Variants in CFAP99 observed in about 807,000 individuals in gnomAD.
The protein encoded by CFAP99 is cilia and flagella associated protein 99, also known as cilia- and flagella-associated protein 99.
A neutral mutation model predicts 82.7 loss-of-function variants in CFAP99; 84 were observed. The observed-to-expected ratio is 1.02, with a 90% CI of 0.85 to 1.22. CFAP99 has a LOEUF of 1.22. Among genes scored for constraint, CFAP99 ranks in the 50% most tolerant of loss-of-function variants. The pLI, the probability that CFAP99 is intolerant of heterozygous loss-of-function variation, is 0.00. For missense variants in CFAP99, 1,059 were observed against 983.5 expected (o/e 1.08, Z -1.03); for synonymous variants, 456 against 429.5 (o/e 1.06, Z -0.76).
chr4:2,449,934 G>A, exon 8 of CFAP99: 42 of 1,536,186 alleles, frequency 2.7e-5, no homozygotes, highest in Non-Finnish European at 3.6e-5. Context: ...ACTGTGGCAG[G>A]AGCTGCTGCT....
chr4:2,452,284 G>A (rs867810287), exon 11 of CFAP99: 16 of 1,535,692 alleles, frequency 1.0e-5, no homozygotes, highest in Admixed American at 5.9e-5. Flanking sequence ...TGAGGAGGCC[G>A]TCCTAGCCCG....
At chr4:2,454,582 T>G (rs1734378339) in intron 11 of CFAP99, among the ~76,000 whole-genome samples, 3 of 46,144 alleles carry the variant, frequency 6.5e-5, no homozygotes, top group Non-Finnish European at 1.0e-4. Context: ...GTTTTTTTTC[T>G]TTTTTTTTTT....
intron 3 of CFAP99, 113 bp downstream of exon 3, chr4:2,437,131 G>A: frequency 7.7e-7 from 1 of 1,297,512 alleles, no homozygotes; most frequent in Non-Finnish European, 1.1e-6. Context: ...CCTCCTTCCT[G>A]CCCTTGCACT....
intron 6 of CFAP99, among the ~76,000 whole-genome samples, chr4:2,449,454 C>T (rs1734248985): frequency 6.6e-6 from 1 of 151,676 alleles, no homozygotes; most frequent in Admixed American, 6.6e-5. Context: ...AGCTCCAGAC[C>T]CCACGCCAAT....
chr4:2,443,056 G>C (rs558959616), intron 4 of CFAP99, 74 bp from the exon 5 acceptor site: 2 of 811,236 alleles, frequency 2.5e-6, no homozygotes, highest in East Asian at 5.4e-5. Context: ...AGCTCACTGG[G>C]GGTGCTGGGG....
chr4:2,421,791 C>G (rs1269971784), intron 1 of CFAP99, among the ~76,000 whole-genome samples: 1 of 151,552 alleles, frequency 6.6e-6, no homozygotes, highest in Non-Finnish European at 1.5e-5. Context: ...ACTATTAAAG[C>G]TGAACTTTGG....
intron 6 of CFAP99, among the ~76,000 whole-genome samples, chr4:2,449,324 C>T (rs1734246074): frequency 6.6e-6 from 1 of 152,102 alleles, no homozygotes; most frequent in Non-Finnish European, 1.5e-5. Flanking sequence ...CTCCCAGTGT[C>T]AAGGGAGCTG....
At chr4:2,457,516 C>T (rs1165272380) in intron 11 of CFAP99, among the ~76,000 whole-genome samples, 1 of 152,200 alleles carries the variant, frequency 6.6e-6, no homozygotes, top group East Asian at 1.9e-4. Flanking sequence ...CATGTGGCTG[C>T]CCCTGGCCCC....
intron 1 of CFAP99, among the ~76,000 whole-genome samples, chr4:2,425,145 C>T (rs1228974799): frequency 1.3e-5 from 2 of 152,300 alleles, no homozygotes; most frequent in African/African-American, 4.8e-5. Flanking sequence ...CCAGCCATTG[C>T]TTGTTCCTTG....
At chr4:2,440,816 G>A (rs1287444623) in intron 4 of CFAP99, among the ~76,000 whole-genome samples, 2 of 151,612 alleles carry the variant, frequency 1.3e-5, no homozygotes, top group Non-Finnish European at 2.9e-5. Context: ...GGATGGTCTC[G>A]ATCTCCTGAC....
intron 11 of CFAP99, among the ~76,000 whole-genome samples, chr4:2,457,980 G>A (rs1192721408): frequency 1.3e-5 from 2 of 152,212 alleles, no homozygotes; most frequent in African/African-American, 2.4e-5. Flanking sequence ...TTAGCATCCT[G>A]TGTGTCTTAC....
In CFAP99 at chr4:2,429,377, T is replaced by C. The variant is rs576237207; in HGVS notation, c.111+2791T>C. 5 of 152,360 alleles carry C rather than the reference T, an allele frequency of 3.3e-5. No individual in the cohort carries two copies. In the East Asian group the frequency reaches 9.6e-4, roughly 29 times the overall value. 9.4% of individuals were successfully genotyped at this position (152,360 alleles called of 1,614,324 possible). On this transcript the variant is annotated intron_variant, in intron 2 of 14. Coordinates refer to ENST00000635017, the Ensembl canonical transcript of CFAP99. ...TAACCCACAGATTATTAGTGGTAGA[T>C]GAGACTAATATGTTACCTGGTGAGT...
chr4:2,426,423 G>C (rs1408844630), intron 1 of CFAP99, 36 bp from the exon 2 acceptor site: 11 of 1,328,068 alleles, frequency 8.3e-6, no homozygotes, highest in Non-Finnish European at 1.1e-5. Flanking sequence ...CTACATCCCA[G>C]GTGTGGAGGG....
At chr4:2,421,448 G>A (rs1011736285) in intron 1 of CFAP99, among the ~76,000 whole-genome samples, 15 of 136,582 alleles carry the variant, frequency 1.1e-4, no homozygotes, top group African/African-American at 3.5e-4. Flanking sequence ...TCTGCCTCCC[G>A]GGTTCAAGCA....
In CFAP99 at chr4:2,438,183, C is replaced by T. The variant is rs142105886; in HGVS notation, c.351+19C>T. 2.1e-4 allele frequency: 300 copies of T among 1,452,598 alleles called. No homozygotes were observed. In the African/African-American group the frequency reaches 3.8e-3, roughly 18 times the overall value. 90.0% of individuals were successfully genotyped at this position (1,452,598 alleles called of 1,614,324 possible). A position where few individuals can be genotyped will look rare whatever the true frequency, so the allele number is the denominator to read the frequency against. On this transcript the variant is annotated intron_variant, in intron 4 of 14. Transcript: ENST00000635017. ...GTGCAAGGTGAGCCACCCCTACCTGCCCACCAGGCCACGAGGCCCACGGGT... is the reference window on the plus strand; with the variant it reads ...GTGCAAGGTGAGCCACCCCTACCTGTCCACCAGGCCACGAGGCCCACGGGT...
At chr4:2,459,450 T>G (rs1446714657) in intron 13 of CFAP99, among the ~76,000 whole-genome samples, 192 bp downstream of exon 13, 2 of 152,158 alleles carry the variant, frequency 1.3e-5, no homozygotes, top group Middle Eastern at 3.2e-3. Context: ...TTCACAAGCC[T>G]GCGGGCAAGG....
intron 4 of CFAP99, among the ~76,000 whole-genome samples, chr4:2,442,652 C>T (rs1291975900): frequency 6.6e-6 from 1 of 152,174 alleles, no homozygotes; most frequent in East Asian, 1.9e-4. Context: ...CCCTCGGCTC[C>T]CCATCCAACT....
At chr4:2,443,629 G>A (rs1734101163) in intron 5 of CFAP99, among the ~76,000 whole-genome samples, 1 of 152,182 alleles carries the variant, frequency 6.6e-6, no homozygotes, top group South Asian at 2.1e-4. Context: ...ACTCTGCAGG[G>A]CCTTTGGCCT....
At chr4:2,445,231 G>A in exon 6 of CFAP99, 1 of 1,453,434 alleles carries the variant, frequency 6.9e-7, no homozygotes, top group Non-Finnish European at 9.0e-7. Context: ...AGAGCCCAAG[G>A]AATTCAACCT....
Sources: gnomAD v4.1 joint callset for allele counts (sites outside exome capture counted in the v4.1 genomes callset) on GRCh38, gnomAD v4.1.1 for gene constraint, MANE v1.5 for transcripts, NCBI Gene and HGNC (gene_info 2026-07-23, HGNC 2026-07-21) for gene names.